The following FHOD3 variants were observed in gnomAD, a reference collection of about 807,000 sequenced individuals.
The protein encoded by FHOD3 is formin homology 2 domain containing 3, also known as FH1/FH2 domain-containing protein 3.
A neutral mutation model predicts 173.0 loss-of-function variants in FHOD3; 90 were observed. That is an observed-to-expected ratio of 0.52 (90% CI 0.44 to 0.62). The LOEUF is 0.62. FHOD3 is among the 20% of genes least tolerant of loss of function. The pLI is 0.00. For synonymous variants in FHOD3, 828 were observed against 823.0 expected (o/e 1.01, Z -0.10); for missense variants, 1,945 against 2,034.7 (o/e 0.96, Z 0.85).
intron 1 of FHOD3, among the ~76,000 whole-genome samples, chr18:36,318,185 T>G: frequency 6.6e-6 from 1 of 152,184 alleles, no homozygotes; most frequent in East Asian, 1.9e-4. Flanking sequence ...TCTTTTTGCT[T>G]AGGATTGTCT....
chr18:36,370,121 G>C (rs1345256259), intron 2 of FHOD3, among the ~76,000 whole-genome samples: 2 of 152,130 alleles, frequency 1.3e-5, no homozygotes, highest in African/African-American at 4.8e-5. Flanking sequence ...TCACCCACTT[G>C]CCTCTTCCTT....
Position 36,320,418 on chromosome 18 carries a change from C to T in FHOD3, c.165+22418C>T, listed in dbSNP as rs917161650. Among the ~76,000 whole-genome samples the T allele has an allele frequency of 4.6e-5, 7 of 152,296 alleles. No homozygotes were observed. The South Asian group carries it at 1.5e-3, about 32-fold the overall frequency. ...ATAAATTCCTGGACACATACACCCT[C>T]CCAAGACTAAACCAGGAAGAAGTTG... On this transcript the variant is annotated intron_variant, in intron 1 of 28. Transcript: ENST00000590592.
At chr18:36,732,428 T>C (rs1258441265) in intron 20 of FHOD3, among the ~76,000 whole-genome samples, 1 of 152,130 alleles carries the variant, frequency 6.6e-6, no homozygotes, top group African/African-American at 2.4e-5. Flanking sequence ...ATAAGGGAAA[T>C]GCACTTCTTT....
chr18:36,646,191 A>G (rs890294485), intron 10 of FHOD3, among the ~76,000 whole-genome samples: 1 of 152,202 alleles, frequency 6.6e-6, no homozygotes, highest in African/African-American at 2.4e-5. Flanking sequence ...AGTATAATAA[A>G]TTTAGAAAAA....
rs557196162 is a variant in FHOD3, at chr18:36,689,710, A to G, written c.2021+2532A>G. Among the ~76,000 whole-genome samples, 12 of 152,272 alleles carry G rather than the reference A, an allele frequency of 7.9e-5. No individual in the cohort carries two copies. In the East Asian group the frequency reaches 2.1e-3, roughly 27 times the overall value. Reference sequence around the variant, plus strand: ...GTGTGTTGTGGGGTAGCACAGGAGGATACTTCTGTTTGGGTTTGTTAGTCT... The same window carrying G: ...GTGTGTTGTGGGGTAGCACAGGAGGGTACTTCTGTTTGGGTTTGTTAGTCT... On this transcript the variant is annotated intron_variant, in intron 16 of 28. Transcript: ENST00000590592.
intron 3 of FHOD3, among the ~76,000 whole-genome samples, chr18:36,471,524 T>G (rs983287867): frequency 6.6e-6 from 1 of 152,188 alleles, no homozygotes. Flanking sequence ...TGGGCTCACT[T>G]AGAACAAAGA....
chr18:36,651,939 CAGGTGTAGTGGG>C, intron 11 of FHOD3, among the ~76,000 whole-genome samples: 2 of 152,316 alleles, frequency 1.3e-5, no homozygotes, highest in East Asian at 3.9e-4. Flanking sequence ...CTGAATGTCA[CAGGTGTAGTGGG>C]AGGCCCTGGA....
chr18:36,462,471 A>G (rs1213290973), intron 3 of FHOD3, among the ~76,000 whole-genome samples: 1 of 152,108 alleles, frequency 6.6e-6, no homozygotes, highest in African/African-American at 2.4e-5. Flanking sequence ...AGCTGGGACT[A>G]CAGGATCCTG....
chr18:36,608,072 C>T (rs774647752), intron 8 of FHOD3, among the ~76,000 whole-genome samples: 2 of 152,190 alleles, frequency 1.3e-5, no homozygotes, highest in Non-Finnish European at 2.9e-5. Flanking sequence ...ATTTTTCCAG[C>T]CTCTACCTGT....
At chr18:36,304,941 G>A (rs560896207) in intron 1 of FHOD3, among the ~76,000 whole-genome samples, 10 of 152,278 alleles carry the variant, frequency 6.6e-5, no homozygotes, top group Admixed American at 1.3e-4. Context: ...CCAGCTCTGC[G>A]TCCGCCTTCA....
chr18:36,320,959 TG>T, intron 1 of FHOD3, among the ~76,000 whole-genome samples: 1 of 152,290 alleles, frequency 6.6e-6, no homozygotes, highest in East Asian at 1.9e-4. Context: ...GTATGTGCTG[TG>T]TTGGGAGGTA....
chr18:36,313,876 G>A (rs755920381), intron 1 of FHOD3, among the ~76,000 whole-genome samples: 8 of 151,718 alleles, frequency 5.3e-5, no homozygotes, highest in Non-Finnish European at 1.0e-4. Context: ...TCCTTTGTCC[G>A]AATAATTTGT....
At chr18:36,439,377 A>G (rs1159568752) in intron 3 of FHOD3, among the ~76,000 whole-genome samples, 1 of 152,184 alleles carries the variant, frequency 6.6e-6, no homozygotes, top group African/African-American at 2.4e-5. Flanking sequence ...GCTCTGCCCC[A>G]GGATTTAGCA....
chr18:36,658,320 G>A (rs1038857563), intron 14 of FHOD3, 132 bp downstream of exon 14: 12 of 596,728 alleles, frequency 2.0e-5, no homozygotes, highest in South Asian at 4.8e-5. Flanking sequence ...AACATTGTCC[G>A]AAGCCAGGAA....
Position 36,779,621 on chromosome 18 carries a change from T to C in FHOD3, c.*91T>C. 9.1e-7 allele frequency: 1 copy of C among 1,101,538 alleles called. No homozygotes were observed. The allele number at this position is 1,101,538 out of a possible 1,614,324, so 68.2% of individuals were successfully genotyped here. On this transcript the variant is annotated 3_prime_UTR_variant, in exon 29 of 29. Coordinates refer to ENST00000590592, the MANE Select transcript of FHOD3 (RefSeq NM_001281740.3). ...CAGGTGGGGTTGGGGAGACTTGATA[T>C]TCACATCCAACAGTTTGAAAAGGGA...
intron 27 of FHOD3, among the ~76,000 whole-genome samples, chr18:36,763,155 C>T (rs1420070906): frequency 3.6e-5 from 5 of 138,264 alleles, no homozygotes; most frequent in Admixed American, 7.5e-5. Context: ...GTATTATACA[C>T]GTTATATATA....
intron 10 of FHOD3, among the ~76,000 whole-genome samples, chr18:36,634,776 CT>C (rs1334419340): frequency 6.6e-6 from 1 of 152,136 alleles, no homozygotes; most frequent in African/African-American, 2.4e-5. Context: ...TTGCCCAGTG[CT>C]GTTATTATCA....
chr18:36,523,000 T>C (rs1218591742), intron 5 of FHOD3, among the ~76,000 whole-genome samples: 1 of 152,214 alleles, frequency 6.6e-6, no homozygotes, highest in African/African-American at 2.4e-5. Context: ...AAACTGGACC[T>C]TTCCAAAACC....
intron 14 of FHOD3, among the ~76,000 whole-genome samples, chr18:36,668,056 T>C (rs2037298848): frequency 6.6e-6 from 1 of 152,170 alleles, no homozygotes; most frequent in African/African-American, 2.4e-5. Flanking sequence ...CTCCTTCCTC[T>C]TTAGCTTTCT....
Sources: gnomAD v4.1 joint callset for allele counts (sites outside exome capture counted in the v4.1 genomes callset) on GRCh38, gnomAD v4.1.1 for gene constraint, MANE v1.5 for transcripts, NCBI Gene and HGNC (gene_info 2026-07-23, HGNC 2026-07-21) for gene names.